Variants in GPATCH2 observed in about 807,000 individuals in gnomAD.
GPATCH2 encodes the protein G patch domain-containing protein 2.
GPATCH2 carries 51 observed loss-of-function variants against 58.0 expected under a neutral mutation model. That is an observed-to-expected ratio of 0.88 (90% CI 0.70 to 1.11). GPATCH2 has a LOEUF of 1.11. Ranked by LOEUF, GPATCH2 falls within the 50% of genes most tolerant of loss-of-function variation. The pLI is 0.00. For synonymous variants in GPATCH2, 222 were observed against 218.5 expected, an observed-to-expected ratio of 1.02 and a Z score of -0.14; for missense variants, 625 against 652.2, an observed-to-expected ratio of 0.96 and a Z score of 0.45.
chr1:217,455,776 C>T (rs545896058), intron 8 of GPATCH2, among the ~76,000 whole-genome samples: 17 of 152,066 alleles, frequency 1.1e-4, no homozygotes, highest in Admixed American at 2.0e-4. Flanking sequence ...CCTGTTTTTG[C>T]GCCCAAAAGT....
intron 5 of GPATCH2, chr1:217,610,050 C>T: frequency 6.8e-7 from 1 of 1,462,164 alleles, no homozygotes. Context: ...CAAAGAGGCT[C>T]TCACTTCAAT....
At chr1:217,552,665 AAC>A (rs1665422557) in intron 5 of GPATCH2, among the ~76,000 whole-genome samples, 1 of 152,174 alleles carries the variant, frequency 6.6e-6, no homozygotes, top group South Asian at 2.1e-4. Flanking sequence ...AATATGAAAA[AAC>A]AGTGTTCTTG....
intron 5 of GPATCH2, among the ~76,000 whole-genome samples, chr1:217,546,729 C>A: frequency 6.6e-6 from 1 of 152,072 alleles, no homozygotes; most frequent in Admixed American, 6.6e-5. Flanking sequence ...GCAATGGCAA[C>A]CAAAGAAAAA....
intron 9 of GPATCH2, among the ~76,000 whole-genome samples, chr1:217,444,226 A>G (rs1341805798): frequency 1.3e-5 from 2 of 152,160 alleles, no homozygotes; most frequent in Non-Finnish European, 2.9e-5. Context: ...CAGTCTGCCC[A>G]TTTCTGATGA....
rs1352171920 is a variant in GPATCH2 at position 217,469,171 on chromosome 1, T to C, written c.1278-19834A>G. ...AAAAATCTTTATCTGAGGTTTATTG[T>C]CCTTAGAAAGGATAATAGTAGTTTT... is the stretch of plus-strand genomic sequence containing the variant. On this transcript the variant is annotated intron_variant, in intron 8 of 9. Transcript: ENST00000366935. Among the ~76,000 whole-genome samples, 2 of 152,166 alleles carry C rather than the reference T, an allele frequency of 1.3e-5. 1 individual carries two copies. Among genetic ancestry groups the C allele is most frequent in the South Asian group, 4.1e-4 (2 of 4,830 alleles).
intron 8 of GPATCH2, among the ~76,000 whole-genome samples, chr1:217,489,080 T>A (rs1384906590): frequency 6.6e-6 from 1 of 151,698 alleles, no homozygotes; most frequent in African/African-American, 2.4e-5. Context: ...ATTTTCTCAA[T>A]GCTTTTTCTT....
At chr1:217,433,583 A>G (rs1327159128) in intron 9 of GPATCH2, among the ~76,000 whole-genome samples, 1 of 151,820 alleles carries the variant, frequency 6.6e-6, no homozygotes, top group African/African-American at 2.4e-5. Flanking sequence ...TTTAGTAGAG[A>G]AAGGATTTCA....
At chr1:217,450,022 C>T (rs1335651324) in intron 8 of GPATCH2, among the ~76,000 whole-genome samples, 1 of 151,986 alleles carries the variant, frequency 6.6e-6, no homozygotes, top group Non-Finnish European at 1.5e-5. Context: ...TAATTAGATT[C>T]TTCTGTCTAA....
At position 217,584,344 on chromosome 1, in the gene GPATCH2, A is replaced by AAT. The variant is rs71556690; in HGVS notation, c.1098+25975_1098+25976dup. Among the ~76,000 whole-genome samples, 1,001 of 101,836 alleles carry AAT rather than the reference A, an allele frequency of 9.8e-3. 18 individuals carry two copies. The highest frequency in any genetic ancestry group is 0.018 in the Admixed American group (127 of 7,094). The allele number at this position is 101,836 out of a possible 152,430, so 66.8% of individuals were successfully genotyped here. A position where few individuals can be genotyped will look rare whatever the true frequency, so the allele number is the denominator to read the frequency against. On this transcript the variant is annotated intron_variant, in intron 5 of 9. Coordinates refer to ENST00000366935, the MANE Select transcript of GPATCH2 (RefSeq NM_018040.5). ...CTCACCTCTACTAAAAAAAAAAAAA[A>AAT]ATATATATATATATATATATACACA...
rs559942269 is a variant in GPATCH2, at chr1:217,562,441, C to G, written c.1099-47552G>C. 8.9e-4 allele frequency among the ~76,000 whole-genome samples: 135 copies of G among 152,228 alleles called. 1 individual carries two copies. The highest frequency in any genetic ancestry group is 3.2e-3 in the African/African-American group (133 of 41,544). Reference sequence around the variant, plus strand: ...TAGGCCTGAGGCAACTTATGGGAATCAAGGGCTTCATGGAACACAGTTGGA... The same window carrying G: ...TAGGCCTGAGGCAACTTATGGGAATGAAGGGCTTCATGGAACACAGTTGGA... On this transcript the variant is annotated intron_variant, in intron 5 of 9. Transcript: ENST00000366935.
At chr1:217,529,007 A>G (rs964341094) in intron 5 of GPATCH2, among the ~76,000 whole-genome samples, 1 of 152,200 alleles carries the variant, frequency 6.6e-6, no homozygotes, top group African/African-American at 2.4e-5. Flanking sequence ...CAGACCAGCT[A>G]GAGGTCAGCA....
intron 8 of GPATCH2, among the ~76,000 whole-genome samples, chr1:217,475,485 G>A (rs1034061783): frequency 6.6e-5 from 10 of 152,018 alleles, no homozygotes; most frequent in African/African-American, 2.4e-4. Flanking sequence ...GAAACAAGAG[G>A]AGATCTTGGA....
At chr1:217,515,972 A>G (rs1663124426) in intron 5 of GPATCH2, among the ~76,000 whole-genome samples, 1 of 152,144 alleles carries the variant, frequency 6.6e-6, no homozygotes, top group Non-Finnish European at 1.5e-5. Context: ...CCCCGAAAAG[A>G]CAGGAGTCAT....
chr1:217,559,816 A>G (rs1190797587), intron 5 of GPATCH2, among the ~76,000 whole-genome samples: 1 of 151,942 alleles, frequency 6.6e-6, no homozygotes, highest in Non-Finnish European at 1.5e-5. Flanking sequence ...CAGCCTATGA[A>G]CCCATTAGCA....
intron 9 of GPATCH2, among the ~76,000 whole-genome samples, chr1:217,438,871 G>C (rs564445530): frequency 3.7e-4 from 57 of 152,146 alleles, no homozygotes; most frequent in African/African-American, 1.1e-3. Context: ...GATTCATAAC[G>C]CAAGTTCTTA....
intron 5 of GPATCH2, among the ~76,000 whole-genome samples, chr1:217,523,607 C>T (rs569563297): frequency 2.0e-5 from 3 of 151,938 alleles, no homozygotes; most frequent in East Asian, 1.9e-4. Flanking sequence ...TCCGATTTCT[C>T]AATCTTTTCC....
intron 5 of GPATCH2, among the ~76,000 whole-genome samples, chr1:217,540,555 G>A (rs1436881012): frequency 1.3e-5 from 2 of 151,980 alleles, no homozygotes; most frequent in Non-Finnish European, 1.5e-5. Context: ...TGATCCTTTC[G>A]AAACAATAAA....
chr1:217,540,003 A>G (rs1571885205), intron 5 of GPATCH2, among the ~76,000 whole-genome samples: 2 of 152,222 alleles, frequency 1.3e-5, no homozygotes, highest in East Asian at 3.8e-4. Flanking sequence ...AAAATTGCCT[A>G]TGATAAACAT....
intron 9 of GPATCH2, among the ~76,000 whole-genome samples, chr1:217,436,236 A>G (rs1658826123): frequency 1.3e-5 from 2 of 152,194 alleles, no homozygotes; most frequent in Admixed American, 1.3e-4. Context: ...CTGAAGTCAG[A>G]CAGGAATGTT....
Sources: gnomAD v4.1 joint callset for allele counts (sites outside exome capture counted in the v4.1 genomes callset) on GRCh38, gnomAD v4.1.1 for gene constraint, MANE v1.5 for transcripts, NCBI Gene and HGNC (gene_info 2026-07-23, HGNC 2026-07-21) for gene names.